SPECC1: variants seen among roughly 807,000 people sequenced by gnomAD.
SPECC1 encodes cytospin-B.
In SPECC1, 62 loss-of-function variants were observed where a neutral mutation model predicts 104.1. That is an observed-to-expected ratio of 0.60 (90% CI 0.49 to 0.74). SPECC1 has a LOEUF of 0.74. Ranked by LOEUF, SPECC1 falls within the 30% of genes least tolerant of loss-of-function variation. The pLI is 0.00. For missense variants in SPECC1, 1,306 were observed against 1,310.5 expected (o/e 1.00, Z 0.05); for synonymous variants, 513 against 501.6 (o/e 1.02, Z -0.30).
At chr17:20,263,514 A>G (rs2040107406) in intron 12 of SPECC1, among the ~76,000 whole-genome samples, 1 of 151,914 alleles carries the variant, frequency 6.6e-6, no homozygotes, top group South Asian at 2.1e-4. Context: ...AACTTAAAGT[A>G]TAATAAAAAT....
intron 1 of SPECC1, among the ~76,000 whole-genome samples, chr17:20,077,897 T>A (rs969648302): frequency 1.3e-5 from 2 of 152,096 alleles, no homozygotes; most frequent in African/African-American, 4.8e-5. Flanking sequence ...TCAGTCTTAT[T>A]ATCTGTAAAA....
At chr17:20,065,535 G>T (rs1384986251) in intron 1 of SPECC1, among the ~76,000 whole-genome samples, 1 of 152,350 alleles carries the variant, frequency 6.6e-6, no homozygotes, top group South Asian at 2.1e-4. Context: ...AGGGCATAGA[G>T]CTTCCACGCC....
At chr17:20,263,212 A>G (rs2047424314) in intron 12 of SPECC1, among the ~76,000 whole-genome samples, 1 of 149,868 alleles carries the variant, frequency 6.7e-6, no homozygotes, top group Non-Finnish European at 1.5e-5. Flanking sequence ...AAGAAGCCAT[A>G]AGAACCAATA....
At chr17:20,206,613 T>C (rs1309932658) in intron 4 of SPECC1, among the ~76,000 whole-genome samples, 1 of 152,216 alleles carries the variant, frequency 6.6e-6, no homozygotes, top group Non-Finnish European at 1.5e-5. Context: ...ACCCTGTTGT[T>C]GAACATACAT....
chr17:20,124,523 T>G (rs902067686), intron 3 of SPECC1, among the ~76,000 whole-genome samples: 23 of 152,146 alleles, frequency 1.5e-4, no homozygotes, highest in Non-Finnish European at 4.4e-5. Context: ...AATCACAGAA[T>G]GCCAGGAATG....
chr17:20,143,304 T>C (rs2031061419), intron 3 of SPECC1, among the ~76,000 whole-genome samples: 1 of 150,822 alleles, frequency 6.6e-6, no homozygotes, highest in Admixed American at 6.6e-5. Flanking sequence ...GAGGATTGCT[T>C]GAGCCCAGGA....
Position 20,204,557 on chromosome 17 carries a change from G to T in SPECC1, c.508G>T (p.Val170Phe). 1 of 1,614,202 alleles carries T rather than the reference G, an allele frequency of 6.2e-7. No homozygotes were observed. Among genetic ancestry groups the T allele is most frequent in the Non-Finnish European group, 8.5e-7 (1 of 1,180,038 alleles). ...GGEKAALESQVRELLAEAKAK... is the reference protein window; with the variant it reads ...GGEKAALESQFRELLAEAKAK... ...AGAAAAGGCTGCGCTTGAGTCCCAA[G>T]TTCGGGAACTTTTGGCAGAAGCCAA... Residue 170 changes from valine (V) to phenylalanine (F), a missense_variant, in exon 4 of 15, where the codon GTT becomes TTT. Around this residue, in one of 2 missense-constraint regions of SPECC1, gnomAD observed 1,177 missense variants for 1,139.9 expected, o/e 1.03. Coordinates refer to ENST00000395527, the MANE Select transcript of SPECC1 (RefSeq NM_001243439.2).
At chr17:20,147,616 T>C (rs62066866) in intron 3 of SPECC1, among the ~76,000 whole-genome samples, 1 of 152,160 alleles carries the variant, frequency 6.6e-6, no homozygotes, top group Non-Finnish European at 1.5e-5. Flanking sequence ...TGGCTCTGAG[T>C]TGGAAACTAT....
chr17:20,067,825 A>AC (rs1231764093), intron 1 of SPECC1, among the ~76,000 whole-genome samples: 4 of 150,600 alleles, frequency 2.7e-5, no homozygotes, highest in South Asian at 2.1e-4. Flanking sequence ...CTAGAACATT[A>AC]CCCCCCCGCC....
At chr17:20,134,197 A>G (rs1043320197) in intron 3 of SPECC1, among the ~76,000 whole-genome samples, 14 of 151,696 alleles carry the variant, frequency 9.2e-5, no homozygotes, top group Admixed American at 3.3e-4. Flanking sequence ...TTTCAATCCA[A>G]CCACTCAGGG....
At chr17:20,073,256 C>T (rs1020254029) in intron 1 of SPECC1, among the ~76,000 whole-genome samples, 2 of 151,964 alleles carry the variant, frequency 1.3e-5, no homozygotes, top group South Asian at 2.1e-4. Flanking sequence ...GGTGGTGGGG[C>T]GTGGCTGAAG....
intron 7 of SPECC1, among the ~76,000 whole-genome samples, chr17:20,241,261 CTT>C: frequency 6.6e-6 from 1 of 152,326 alleles, no homozygotes; most frequent in South Asian, 2.1e-4. Context: ...CTCTGGATCT[CTT>C]TGCGTGCCCC....
At chr17:20,172,895 G>A (rs888388042) in intron 3 of SPECC1, among the ~76,000 whole-genome samples, 3 of 152,134 alleles carry the variant, frequency 2.0e-5, no homozygotes, top group South Asian at 4.1e-4. Context: ...ATTTTTCCTA[G>A]GTGATAGGTT....
chr17:20,010,853 C>A (rs1391748490), intron 1 of SPECC1, among the ~76,000 whole-genome samples: 1 of 152,182 alleles, frequency 6.6e-6, no homozygotes, highest in East Asian at 1.9e-4. Context: ...TCTGTTTATG[C>A]CTAATTACTA....
chr17:20,234,586 A>G (rs756196670), intron 7 of SPECC1, among the ~76,000 whole-genome samples: 2 of 152,186 alleles, frequency 1.3e-5, no homozygotes, highest in Non-Finnish European at 2.9e-5. Flanking sequence ...TTTGACTTTG[A>G]CAGTCATCTA....
intron 2 of SPECC1, among the ~76,000 whole-genome samples, chr17:20,098,866 T>C (rs117297379): frequency 4.6e-5 from 7 of 152,202 alleles, no homozygotes. Flanking sequence ...GACTGTATGC[T>C]TCTTTTTTGT....
At chr17:20,289,566 A>T (rs2041086463) in intron 12 of SPECC1, among the ~76,000 whole-genome samples, 1 of 152,152 alleles carries the variant, frequency 6.6e-6, no homozygotes, top group Admixed American at 6.6e-5. Flanking sequence ...GCCTCCCAAA[A>T]AGTGCTGGGA....
intron 1 of SPECC1, among the ~76,000 whole-genome samples, chr17:20,093,556 G>A (rs1193497996): frequency 6.6e-6 from 1 of 152,112 alleles, no homozygotes; most frequent in Non-Finnish European, 1.5e-5. Context: ...CAGGCTGAGG[G>A]GCTGAGATGA....
chr17:20,049,291 C>T (rs1352997319), intron 1 of SPECC1, among the ~76,000 whole-genome samples: 2 of 152,074 alleles, frequency 1.3e-5, no homozygotes, highest in African/African-American at 4.8e-5. Flanking sequence ...TTTTATTTTG[C>T]ATTTCCTGTT....
Sources: gnomAD v4.1 joint callset for allele counts (sites outside exome capture counted in the v4.1 genomes callset) on GRCh38, gnomAD v4.1.1 for gene constraint, gnomAD v4.1.1 regional missense constraint, MANE v1.5 for transcripts, NCBI Gene and HGNC (gene_info 2026-07-23, HGNC 2026-07-21) for gene names.